Variants in ZDHHC11 observed in about 807,000 individuals in gnomAD.
ZDHHC11 encodes zDHHC palmitoyltransferase 11.
In ZDHHC11, 44 loss-of-function variants were observed where a neutral mutation model predicts 51.3. The observed-to-expected ratio is 0.86, with a 90% CI of 0.67 to 1.10. The LOEUF is 1.10. Among genes scored for constraint, ZDHHC11 ranks in the 50% least tolerant of loss-of-function variants. The pLI is 0.00. For missense variants in ZDHHC11, 400 were observed against 537.7 expected (o/e 0.74, Z 2.53); for synonymous variants, 163 against 222.0 (o/e 0.73, Z 2.36).
chr5:830,813 C>CCATA (rs1742966048), intron 7 of ZDHHC11, among the ~76,000 whole-genome samples: 1 of 113,542 alleles, frequency 8.8e-6, no homozygotes, highest in Non-Finnish European at 2.0e-5. Flanking sequence ...AATAGAGAAC[C>CCATA]CATAAATAAA....
At chr5:816,485 C>T (rs569919218) in intron 10 of ZDHHC11, 27 of 496,574 alleles carry the variant, frequency 5.4e-5, no homozygotes, top group South Asian at 3.5e-4. Flanking sequence ...CCTGGAAAAA[C>T]GGACAAGTGG....
chr5:856,253 A>C (rs1450795698), intron 1 of ZDHHC11, among the ~76,000 whole-genome samples: 1 of 150,910 alleles, frequency 6.6e-6, no homozygotes, highest in Non-Finnish European at 1.5e-5. Flanking sequence ...TAAAACACAC[A>C]ACACACACCA....
At chr5:819,169 G>A (rs1391719933) in intron 10 of ZDHHC11, among the ~76,000 whole-genome samples, 5 of 151,558 alleles carry the variant, frequency 3.3e-5, no homozygotes, top group African/African-American at 1.2e-4. Flanking sequence ...TTCTGCCATG[G>A]CTACCAATTT....
intron 12 of ZDHHC11, among the ~76,000 whole-genome samples, chr5:799,691 A>C (rs916371330): frequency 1.3e-5 from 2 of 151,328 alleles, no homozygotes; most frequent in Non-Finnish European, 3.0e-5. Flanking sequence ...GAGCACGTAG[A>C]CTCAGGCGCT....
chr5:841,532 C>G, intron 4 of ZDHHC11: 2 of 999,474 alleles, frequency 2.0e-6, no homozygotes, highest in Non-Finnish European at 2.4e-6. Flanking sequence ...GTCACGGTGC[C>G]CACCCCTTCC....
chr5:852,115 A>T (rs1361878191), upstream of ZDHHC11, among the ~76,000 whole-genome samples: 2 of 152,350 alleles, frequency 1.3e-5, no homozygotes, highest in East Asian at 3.9e-4. Flanking sequence ...ATAGAAACAC[A>T]GAAAGACAAC....
chr5:850,782 C>T lies in ZDHHC11; in HGVS notation c.-180G>A, dbSNP rs763535656. On this transcript the variant is annotated 5_prime_UTR_variant, in exon 1 of 13. Coordinates refer to ENST00000283441, the MANE Select transcript of ZDHHC11 (RefSeq NM_024786.3). The stretch of plus-strand genomic sequence containing the variant: ...GAGGGAGCAGGGGCTGGGCTGGAGT[C>T]GGTGCAGGGCCCCGCCCAGGGGAAT... 79 of 737,120 alleles carry T rather than the reference C, an allele frequency of 1.1e-4. 2 individuals carry two copies. The highest frequency in any genetic ancestry group is 6.7e-4 in the South Asian group (36 of 53,464). 45.7% of individuals were successfully genotyped at this position (737,120 alleles called of 1,614,324 possible). A position where few individuals can be genotyped will look rare whatever the true frequency, so the allele number is the denominator to read the frequency against.
At chr5:814,534 G>C (rs1740504118) in intron 11 of ZDHHC11, among the ~76,000 whole-genome samples, 1 of 151,442 alleles carries the variant, frequency 6.6e-6, no homozygotes, top group Admixed American at 6.6e-5. Flanking sequence ...CCTTATTTTT[G>C]TGCGTAAGTT....
chr5:816,332 TCAGAGGCGGA>T, intron 10 of ZDHHC11: 1 of 343,114 alleles, frequency 2.9e-6, no homozygotes, highest in Non-Finnish European at 5.7e-6. Context: ...GGAGGGAGAC[TCAGAGGCGGA>T]CAGATGGCGG....
At chr5:822,440 G>A (rs1292538377) in intron 8 of ZDHHC11, among the ~76,000 whole-genome samples, 1 of 151,522 alleles carries the variant, frequency 6.6e-6, no homozygotes, top group African/African-American at 2.4e-5. Flanking sequence ...TCCTGCTTGT[G>A]GAAGCTCTAG....
intron 12 of ZDHHC11, among the ~76,000 whole-genome samples, chr5:797,568 TAAATC>T (rs993681777): frequency 6.6e-6 from 1 of 151,554 alleles, no homozygotes; most frequent in African/African-American, 2.4e-5. Context: ...AATTTGTTGT[TAAATC>T]CATCCACTTT....
At position 802,825 on chromosome 5, in the gene ZDHHC11, C is replaced by CAAAAAA. The variant is rs70957306; in HGVS notation, c.1182-1667_1182-1662dup. Among the ~76,000 whole-genome samples, 9 of 19,118 alleles carry CAAAAAA rather than the reference C, an allele frequency of 4.7e-4. 2 individuals are homozygous for CAAAAAA. The highest frequency in any genetic ancestry group is 1.3e-3 in the Non-Finnish European group (8 of 5,930). The allele number at this position is 19,118 out of a possible 152,430, so 12.5% of individuals were successfully genotyped here. A position where few individuals can be genotyped will look rare whatever the true frequency, so the allele number is the denominator to read the frequency against. On this transcript the variant is annotated intron_variant, in intron 11 of 12. Coordinates refer to ENST00000283441, the MANE Select transcript of ZDHHC11 (RefSeq NM_024786.3). ...TGTCTCTACTAAAAATACAAAAATACAAAAAAAAAAAAAAAAAAAAAAAAA... is the reference window on the plus strand; with the variant it reads ...TGTCTCTACTAAAAATACAAAAATACAAAAAAAAAAAAAAAAAAAAAAAAAAAAAAA...
At position 850,529 on chromosome 5, in the gene ZDHHC11, G is replaced by C; in HGVS notation, c.74C>G (p.Pro25Arg). ...AILNNEKLVL[P>R]PRISRVNGWS... ...GCCGTTCACTCTGGAGATGCGGGGC[G>C]GCAAGACCAGCTTTTCATTATTGAG... The change falls in exon 1 of 13, where the codon CCG becomes CGG. Residue 25 changes from proline to arginine, a missense_variant. Physicochemically the swap from Pro to Arg is moderately radical, Grantham distance 103 (BLOSUM62 -2). Around this residue, in one of 5 missense-constraint regions of ZDHHC11, gnomAD observed 119 missense variants for 99.6 expected, o/e 1.20. Transcript: ENST00000283441. 4 of 1,613,760 alleles carry C rather than the reference G, an allele frequency of 2.5e-6. No individual in the cohort carries two copies. The highest frequency in any genetic ancestry group is 2.2e-5 in the South Asian group (2 of 91,082).
chr5:808,018 G>A (rs1457780044), intron 11 of ZDHHC11, among the ~76,000 whole-genome samples: 3 of 150,780 alleles, frequency 2.0e-5, no homozygotes, highest in Non-Finnish European at 2.9e-5. Flanking sequence ...GTCCCCATCA[G>A]ACTCTCAGTG....
chr5:850,374 A>C lies in ZDHHC11; in HGVS notation c.222+7T>G, dbSNP rs577247549. 6.2e-7 allele frequency: 1 copy of C among 1,613,350 alleles called. No homozygotes were observed. The highest frequency in any genetic ancestry group is 1.3e-5 in the African/African-American group (1 of 75,052). On this transcript the variant is annotated splice_region_variant and intron_variant, in intron 1 of 12. Transcript: ENST00000283441. The stretch of plus-strand genomic sequence containing the variant: ...CCGCTTAGACCATGCCACGATGAAA[A>C]GGATACCACGTAGGCAATGTATTTC...
intron 3 of ZDHHC11, among the ~76,000 whole-genome samples, 179 bp from the exon 4 acceptor site, chr5:843,903 G>A (rs1237440611): frequency 1.7e-3 from 209 of 124,116 alleles, no homozygotes; most frequent in South Asian, 2.5e-3. Context: ...CGGGGAGGCA[G>A]GGGCAGGGAC....
chr5:825,423 T>C (rs1283824280), intron 7 of ZDHHC11, among the ~76,000 whole-genome samples, 172 bp from the exon 8 acceptor site: 1 of 152,106 alleles, frequency 6.6e-6, no homozygotes, highest in East Asian at 1.9e-4. Flanking sequence ...CTGCGTTATG[T>C]GCAGTGGCAC....
In ZDHHC11 at chr5:796,033, T is replaced by A. The variant is rs200115927; in HGVS notation, c.*555A>T. 1 of 42,634 alleles carries A rather than the reference T, an allele frequency of 2.3e-5. No individual in the cohort carries two copies. The highest frequency in any genetic ancestry group is 5.1e-5 in the Non-Finnish European group (1 of 19,730). 2.6% of individuals were successfully genotyped at this position (42,634 alleles called of 1,614,324 possible). A position where few individuals can be genotyped will look rare whatever the true frequency, so the allele number is the denominator to read the frequency against. On this transcript the variant is annotated 3_prime_UTR_variant, in exon 13 of 13. Coordinates refer to ENST00000283441, the MANE Select transcript of ZDHHC11 (RefSeq NM_024786.3). ...TTTCTCAGTACTGTGCTCCCACTTC[T>A]CAGTACTGTGCTCCCACTTCCCAGT...
chr5:813,415 C>G (rs1740348938), intron 11 of ZDHHC11, among the ~76,000 whole-genome samples: 1 of 142,612 alleles, frequency 7.0e-6, no homozygotes, highest in South Asian at 2.2e-4. Context: ...GTGCACTCAT[C>G]TGTGAGGGGG....
Sources: gnomAD v4.1 joint callset for allele counts (sites outside exome capture counted in the v4.1 genomes callset) on GRCh38, gnomAD v4.1.1 for gene constraint, gnomAD v4.1.1 regional missense constraint, MANE v1.5 for transcripts, NCBI Gene and HGNC (gene_info 2026-07-23, HGNC 2026-07-21) for gene names.